Variants in LDLRAD3 observed in about 807,000 individuals in gnomAD.
The protein encoded by LDLRAD3 is low-density lipoprotein receptor class A domain-containing protein 3.
A neutral mutation model predicts 29.4 loss-of-function variants in LDLRAD3; 20 were observed. The ratio of observed to expected loss-of-function variants is 0.68; its 90% CI spans 0.48 to 0.99. LDLRAD3 has a LOEUF of 0.99. Among genes scored for constraint, LDLRAD3 ranks in the 50% least tolerant of loss-of-function variants. The pLI, the probability that LDLRAD3 is intolerant of heterozygous loss-of-function variation, is 0.00. For missense variants in LDLRAD3, 420 were observed against 454.3 expected (o/e 0.92, Z 0.69); for synonymous variants, 157 against 192.7 (o/e 0.81, Z 1.53).
At chr11:36,029,767 C>G (rs1358328293) in intron 1 of LDLRAD3, among the ~76,000 whole-genome samples, 1 of 152,136 alleles carries the variant, frequency 6.6e-6, no homozygotes, top group Non-Finnish European at 1.5e-5. Context: ...AGGAACGAAG[C>G]CTTTATCATT....
intron 2 of LDLRAD3, among the ~76,000 whole-genome samples, chr11:36,041,135 A>G (rs976858925): frequency 7.9e-5 from 12 of 152,344 alleles, no homozygotes; most frequent in African/African-American, 2.9e-4. Context: ...TAAAAATAAA[A>G]TAAAAGGAAT....
chr11:36,124,014 A>T (rs1218852829), intron 4 of LDLRAD3, among the ~76,000 whole-genome samples: 1 of 152,256 alleles, frequency 6.6e-6, no homozygotes, highest in African/African-American at 2.4e-5. Context: ...GGAGGATGAA[A>T]AAAGAAGAGC....
chr11:36,092,356 A>G (rs1853295660), intron 3 of LDLRAD3, among the ~76,000 whole-genome samples: 2 of 152,150 alleles, frequency 1.3e-5, no homozygotes, highest in South Asian at 2.1e-4. Flanking sequence ...AAATTTTGTT[A>G]CATACACATA....
intron 4 of LDLRAD3, among the ~76,000 whole-genome samples, chr11:36,195,562 C>T (rs548098112): frequency 2.0e-4 from 30 of 152,110 alleles, no homozygotes; most frequent in Non-Finnish European, 3.8e-4. Flanking sequence ...ATAGAAAGAA[C>T]AGCTGAATAG....
chr11:36,021,126 A>G (rs913418917), intron 1 of LDLRAD3, among the ~76,000 whole-genome samples: 1 of 152,208 alleles, frequency 6.6e-6, no homozygotes, highest in African/African-American at 2.4e-5. Flanking sequence ...AGCTTGTGCC[A>G]GGGATGGAAG....
chr11:36,130,916 C>A (rs868460913), intron 4 of LDLRAD3, among the ~76,000 whole-genome samples: 4 of 152,190 alleles, frequency 2.6e-5, no homozygotes, highest in African/African-American at 9.6e-5. Flanking sequence ...GGACTGCCTC[C>A]CATTCTCAGG....
At chr11:36,074,236 G>A (rs952370703) in intron 2 of LDLRAD3, among the ~76,000 whole-genome samples, 8 of 152,228 alleles carry the variant, frequency 5.3e-5, no homozygotes, top group African/African-American at 1.9e-4. Context: ...TTGGAGGCTG[G>A]AAGGCAGAGG....
chr11:36,166,956 G>A (rs1177059253), intron 4 of LDLRAD3, among the ~76,000 whole-genome samples: 1 of 152,124 alleles, frequency 6.6e-6, no homozygotes. Flanking sequence ...TAACCACCCA[G>A]CACCTGTGTA....
At chr11:36,129,621 C>T (rs945123534) in intron 4 of LDLRAD3, among the ~76,000 whole-genome samples, 1 of 152,170 alleles carries the variant, frequency 6.6e-6, no homozygotes, top group Non-Finnish European at 1.5e-5. Flanking sequence ...TGCGTGGATT[C>T]CCTTACCTAG....
chr11:36,119,990 T>C (rs1424481313), intron 4 of LDLRAD3, among the ~76,000 whole-genome samples: 1 of 152,236 alleles, frequency 6.6e-6, no homozygotes, highest in East Asian at 1.9e-4. Flanking sequence ...TGTGATTCAT[T>C]TTGAGTTCAT....
At chr11:36,036,387 C>T (rs1309400958) in intron 2 of LDLRAD3, 138 bp downstream of exon 2, 8 of 906,448 alleles carry the variant, frequency 8.8e-6, no homozygotes, top group African/African-American at 1.7e-5. Context: ...AGCAGTCCTG[C>T]TTCTTTGCTG....
At chr11:36,053,912 C>T (rs2133225833) in intron 2 of LDLRAD3, among the ~76,000 whole-genome samples, 1 of 150,196 alleles carries the variant, frequency 6.7e-6, no homozygotes, top group Admixed American at 6.7e-5. Flanking sequence ...TGCCCACAGA[C>T]AAGGTGATGG....
rs371447763 is a variant in LDLRAD3 at position 36,049,472 on chromosome 11, A to G, written c.193+13223A>G. On this transcript the variant is annotated intron_variant, in intron 2 of 5. Transcript: ENST00000315571. ...CTAGTAACACTTGAATATTTTCTAA[A>G]GGTTGGGAGTGGGAGGAGATGGGGG... 1.1e-4 allele frequency among the ~76,000 whole-genome samples: 17 copies of G among 152,330 alleles called. No homozygotes were observed. In the East Asian group the frequency reaches 1.4e-3, roughly 12 times the overall value.
At chr11:35,961,126 A>G (rs1851272406) in intron 1 of LDLRAD3, among the ~76,000 whole-genome samples, 1 of 152,200 alleles carries the variant, frequency 6.6e-6, no homozygotes, top group South Asian at 2.1e-4. Context: ...GGAGATCAGA[A>G]TGTTTCCCAA....
chr11:35,970,227 A>G (rs1339526888), intron 1 of LDLRAD3, among the ~76,000 whole-genome samples: 1 of 152,206 alleles, frequency 6.6e-6, no homozygotes, highest in Non-Finnish European at 1.5e-5. Context: ...ATGCAAACCA[A>G]TTTGCAAATG....
chr11:36,146,124 C>G (rs1004926215), intron 4 of LDLRAD3, among the ~76,000 whole-genome samples: 8 of 152,076 alleles, frequency 5.3e-5, no homozygotes, highest in Admixed American at 2.0e-4. Flanking sequence ...TGAGAAGCAC[C>G]AAGACCTAAA....
intron 4 of LDLRAD3, among the ~76,000 whole-genome samples, chr11:36,124,736 G>C (rs1414533371): frequency 6.6e-6 from 1 of 150,758 alleles, no homozygotes; most frequent in African/African-American, 2.4e-5. Flanking sequence ...CTGTCGCCCA[G>C]GCTGGAGTGC....
intron 1 of LDLRAD3, among the ~76,000 whole-genome samples, chr11:35,963,850 C>A (rs1001387307): frequency 6.6e-6 from 1 of 152,146 alleles, no homozygotes; most frequent in Admixed American, 6.6e-5. Context: ...TTTCCCCTGA[C>A]CTTAAGTAAT....
chr11:36,029,598 G>GT (rs1456345147), intron 1 of LDLRAD3, among the ~76,000 whole-genome samples: 3 of 152,176 alleles, frequency 2.0e-5, no homozygotes, highest in Admixed American at 6.5e-5. Flanking sequence ...CTAAAAAAAT[G>GT]TAAGTAGCAG....
Sources: allele counts gnomAD v4.1 joint callset (sites outside exome capture counted in the v4.1 genomes callset), GRCh38; gene constraint gnomAD v4.1.1; transcripts MANE v1.5; gene names NCBI Gene and HGNC (gene_info 2026-07-23, HGNC 2026-07-21).